Variants in TRPM7 observed in about 807,000 individuals in gnomAD.
The protein encoded by TRPM7 is LTRPC ion channel family member 7.
TRPM7 carries 134 observed loss-of-function variants against 229.7 expected under a neutral mutation model. The ratio of observed to expected loss-of-function variants is 0.58; its 90% CI spans 0.51 to 0.67. TRPM7 has a LOEUF of 0.67. TRPM7 is among the 30% of genes least tolerant of loss of function. The pLI, the probability that TRPM7 is intolerant of heterozygous loss-of-function variation, is 0.00. For synonymous variants in TRPM7, 699 were observed against 715.2 expected (o/e 0.98, Z 0.36); for missense variants, 1,901 against 2,210.0 (o/e 0.86, Z 2.80).
At chr15:50,618,501 T>C (rs886230984) in intron 13 of TRPM7, among the ~76,000 whole-genome samples, 10 of 151,310 alleles carry the variant, frequency 6.6e-5, no homozygotes, top group African/African-American at 2.4e-4. Context: ...ACCTGGGAGG[T>C]GGAGCTTGCA....
chr15:50,631,751 TTTCATATTACA>T (rs1177626482), intron 9 of TRPM7, among the ~76,000 whole-genome samples: 2 of 152,158 alleles, frequency 1.3e-5, no homozygotes, highest in African/African-American at 4.8e-5. Context: ...AAATATTTGG[TTTCATATTACA>T]TTCATATTTT....
chr15:50,566,350 G>A (rs1017380107), intron 38 of TRPM7, among the ~76,000 whole-genome samples: 9 of 152,038 alleles, frequency 5.9e-5, no homozygotes, highest in African/African-American at 2.2e-4. Context: ...TTTGAGGGAT[G>A]GAGCTAAAAC....
At chr15:50,624,688 A>C (rs142775904) in intron 11 of TRPM7, among the ~76,000 whole-genome samples, 1 of 152,340 alleles carries the variant, frequency 6.6e-6, no homozygotes, top group African/African-American at 2.4e-5. Flanking sequence ...TTTAATGGGT[A>C]GGGTCAAGGG....
chr15:50,639,285 G>A (rs1454103697), intron 6 of TRPM7, 139 bp downstream of exon 6: 12 of 625,208 alleles, frequency 1.9e-5, no homozygotes, highest in African/African-American at 3.8e-5. Flanking sequence ...AAATTCAGAA[G>A]TAAACCTCAG....
chr15:50,664,039 C>T (rs544245784), intron 1 of TRPM7, among the ~76,000 whole-genome samples: 2 of 152,132 alleles, frequency 1.3e-5, no homozygotes, highest in South Asian at 2.1e-4. Context: ...GTGGCTCACA[C>T]GTATAATCCC....
At chr15:50,568,712 C>T (rs1211585827) in intron 38 of TRPM7, among the ~76,000 whole-genome samples, 10 of 152,074 alleles carry the variant, frequency 6.6e-5, no homozygotes, top group African/African-American at 9.7e-5. Context: ...TGGTGGCTCA[C>T]GCCTGTAATC....
intron 13 of TRPM7, among the ~76,000 whole-genome samples, chr15:50,619,301 G>A (rs1481901534): frequency 6.6e-6 from 1 of 150,584 alleles, no homozygotes; most frequent in Non-Finnish European, 1.5e-5. Flanking sequence ...GCTCATGGCA[G>A]CCTCTACCTC....
chr15:50,676,334 T>C (rs1276706978), intron 1 of TRPM7, among the ~76,000 whole-genome samples: 2 of 152,138 alleles, frequency 1.3e-5, no homozygotes, highest in Admixed American at 6.6e-5. Flanking sequence ...TCTATGATTA[T>C]ATATATTAAA....
intron 22 of TRPM7, among the ~76,000 whole-genome samples, chr15:50,597,141 T>G (rs955840761): frequency 6.6e-6 from 1 of 152,228 alleles, no homozygotes; most frequent in Non-Finnish European, 1.5e-5. Flanking sequence ...TAGCTAAAAG[T>G]GCTTCTCAAT....
chr15:50,610,656 C>T (rs748978048), intron 17 of TRPM7, among the ~76,000 whole-genome samples: 2 of 152,106 alleles, frequency 1.3e-5, no homozygotes, highest in Non-Finnish European at 2.9e-5. Context: ...TAAAAACAGG[C>T]CACATGGATA....
At position 50,625,029 on chromosome 15, in the gene TRPM7, GCTGTC is replaced by G. The variant is rs139496675; in HGVS notation, c.1306-734_1306-730del. On this transcript the variant is annotated intron_variant, in intron 11 of 38. Transcript: ENST00000646667. ...ACATCTGTATCATTCAGCATTTGTA[GCTGTC>G]CTTTATATATTAAAGCCTATTTTAT... is the stretch of plus-strand genomic sequence containing the variant. 5.2e-3 allele frequency among the ~76,000 whole-genome samples: 789 copies of G among 152,258 alleles called. 7 individuals are homozygous for G. The highest frequency in any genetic ancestry group is 0.018 in the African/African-American group (760 of 41,550).
chr15:50,619,916 G>A, intron 12 of TRPM7, 118 bp from the exon 13 acceptor site: 2 of 839,416 alleles, frequency 2.4e-6, no homozygotes, highest in South Asian at 3.7e-5. Context: ...ATTTCCTTAA[G>A]TTCTATTCAT....
At chr15:50,608,681 G>T (rs563759655) in intron 19 of TRPM7, among the ~76,000 whole-genome samples, 56 of 152,288 alleles carry the variant, frequency 3.7e-4, no homozygotes, top group African/African-American at 1.2e-3. Context: ...CAGGTTAATG[G>T]TCACATGTGT....
chr15:50,578,760 A>G, intron 30 of TRPM7, 96 bp from the exon 31 acceptor site: 1 of 806,610 alleles, frequency 1.2e-6, no homozygotes, highest in Non-Finnish European at 1.7e-6. Context: ...TTATATAAAA[A>G]ATATTATTAA....
rs1253597856 is a variant in TRPM7 at position 50,686,708 on chromosome 15, A to G, written c.-175T>C. 3.7e-6 allele frequency: 3 copies of G among 815,966 alleles called. No homozygotes were observed. The highest frequency in any genetic ancestry group is 1.9e-5 in the South Asian group (1 of 53,480). The allele number at this position is 815,966 out of a possible 1,614,324, so 50.5% of individuals were successfully genotyped here. ...GCTCCGGCGCTAGCAGCAGAAGCCG[A>G]GTCTTTCATAATTGTGCGACCAACT... On this transcript the variant is annotated 5_prime_UTR_variant, in exon 1 of 39. Coordinates refer to ENST00000646667, the MANE Select transcript of TRPM7 (RefSeq NM_017672.6).
intron 13 of TRPM7, among the ~76,000 whole-genome samples, chr15:50,619,505 A>G (rs2060327311): frequency 6.6e-6 from 1 of 152,080 alleles, no homozygotes; most frequent in Middle Eastern, 3.2e-3. Flanking sequence ...TACAGGTTTG[A>G]GCCACCCATG....
At chr15:50,652,811 G>C (rs180863002) in intron 3 of TRPM7, among the ~76,000 whole-genome samples, 29 of 151,946 alleles carry the variant, frequency 1.9e-4, no homozygotes, top group Admixed American at 1.4e-3. Flanking sequence ...GATCAGCTTG[G>C]GTAACAAAAG....
chr15:50,612,966 ATTT>A, intron 15 of TRPM7, 137 bp from the exon 16 acceptor site: 1 of 723,688 alleles, frequency 1.4e-6, no homozygotes, highest in East Asian at 2.9e-5. Context: ...TATAAACTTG[ATTT>A]TTATTATAGC....
At chr15:50,582,341 T>C (rs893079724) in intron 29 of TRPM7, 2 of 152,226 alleles carry the variant, frequency 1.3e-5, no homozygotes, top group Non-Finnish European at 2.9e-5. Context: ...TCATGTTTTA[T>C]ATTTAAAACT....
Sources: gnomAD v4.1 joint callset for allele counts (sites outside exome capture counted in the v4.1 genomes callset) on GRCh38, gnomAD v4.1.1 for gene constraint, MANE v1.5 for transcripts, NCBI Gene and HGNC (gene_info 2026-07-23, HGNC 2026-07-21) for gene names.